The following CAMK2A variants were observed in gnomAD, a reference collection of about 807,000 sequenced individuals.
The protein encoded by CAMK2A is calcium/calmodulin-dependent protein kinase type II subunit alpha.
A neutral mutation model predicts 79.2 loss-of-function variants in CAMK2A; 7 were observed. The ratio of observed to expected loss-of-function variants is 0.09; its 90% CI spans 0.05 to 0.17. The LOEUF is 0.17. CAMK2A is among the 10% of genes least tolerant of loss of function. The pLI is 1.00. For missense variants in CAMK2A, 214 were observed against 646.4 expected (o/e 0.33, Z 7.25); for synonymous variants, 242 against 251.7 (o/e 0.96, Z 0.36).
Position 150,235,422 on chromosome 5 carries a change from G to A in CAMK2A, c.1066+3278C>T, listed in dbSNP as rs760845204. 8.5e-5 allele frequency among the ~76,000 whole-genome samples: 13 copies of A among 152,328 alleles called. No homozygotes were observed. In the South Asian group the frequency reaches 1.5e-3, roughly 17 times the overall value. ...TGCCAGCTGTTCACCCAGACAATCCGGGAATGCTCCCCTACAGATGGGAAA... is the reference window on the plus strand; with the variant it reads ...TGCCAGCTGTTCACCCAGACAATCCAGGAATGCTCCCCTACAGATGGGAAA... On this transcript the variant is annotated intron_variant, in intron 15 of 18. Coordinates refer to ENST00000671881, the MANE Select transcript of CAMK2A (RefSeq NM_015981.4).
At position 150,223,259 on chromosome 5, in the gene CAMK2A, G is replaced by C; in HGVS notation, c.1238-42C>G. The C allele has an allele frequency of 6.6e-7, 1 of 1,516,484 alleles. No homozygotes were observed. 93.9% of individuals were successfully genotyped at this position (1,516,484 alleles called of 1,614,324 possible). On this transcript the variant is annotated intron_variant, in intron 17 of 18. Coordinates refer to ENST00000671881, the MANE Select transcript of CAMK2A (RefSeq NM_015981.4). The surrounding 1 kb of genome is among the most constrained non-coding windows in gnomAD (Gnocchi z 4.1). ...GAGGGGCAGAGGAGATGCAACCGGG[G>C]GCCTCCTGTCTCACTTTCTTCACTT...
Position 150,223,654 on chromosome 5 carries a change from C to T in CAMK2A, c.1238-437G>A, listed in dbSNP as rs546651566. Among the ~76,000 whole-genome samples the T allele has an allele frequency of 3.3e-5, 5 of 152,120 alleles. No homozygotes were observed. Among genetic ancestry groups the T allele is most frequent in the Non-Finnish European group, 5.9e-5 (4 of 67,982 alleles). ...ACCCTTTGCCTCTGGGTCAGGGAGG[C>T]GATAGGGAGTGATGGGGACTGTGGC... On this transcript the variant is annotated intron_variant, in intron 17 of 18. Coordinates refer to ENST00000671881, the MANE Select transcript of CAMK2A (RefSeq NM_015981.4). This position sits in a 1 kb window ranked among gnomAD's most constrained non-coding sequence, Gnocchi z 4.1.
intron 15 of CAMK2A, among the ~76,000 whole-genome samples, chr5:150,235,563 G>A (rs1326373560): frequency 8.5e-5 from 13 of 152,262 alleles, no homozygotes. Context: ...CAAGGCAGAG[G>A]TAGCTCTTTA....
intron 1 of CAMK2A, among the ~76,000 whole-genome samples, chr5:150,283,750 G>A (rs947365637): frequency 8.5e-5 from 13 of 152,214 alleles, no homozygotes; most frequent in African/African-American, 1.7e-4. Context: ...TGTGAGCCCC[G>A]TGAGGCAGAG....
chr5:150,256,925 G>T lies in CAMK2A; in HGVS notation c.273-94C>A. The T allele has an allele frequency of 1.0e-6, 1 of 996,356 alleles. No individual in the cohort carries two copies. Among genetic ancestry groups the T allele is most frequent in the African/African-American group, 1.6e-5 (1 of 61,448 alleles). The allele number at this position is 996,356 out of a possible 1,614,324, so 61.7% of individuals were successfully genotyped here. On this transcript the variant is annotated intron_variant, in intron 4 of 18. Coordinates refer to ENST00000671881, the MANE Select transcript of CAMK2A (RefSeq NM_015981.4). This position sits in a 1 kb window ranked among gnomAD's most constrained non-coding sequence, Gnocchi z 4.6. ...CAGGAAACTAAGGATGGGGCCCAGGGACCTCAGGACCTCAGCCACAAAAGG... is the reference window on the plus strand; with the variant it reads ...CAGGAAACTAAGGATGGGGCCCAGGTACCTCAGGACCTCAGCCACAAAAGG...
intron 4 of CAMK2A, among the ~76,000 whole-genome samples, chr5:150,257,111 T>C: frequency 6.6e-6 from 1 of 151,990 alleles, no homozygotes; most frequent in Middle Eastern, 3.2e-3. Context: ...TCAGAGCACA[T>C]CACTAGGCTC....
At chr5:150,253,579 AG>A (rs1562168409) in intron 6 of CAMK2A, 33 bp from the exon 7 acceptor site, 1 of 1,553,852 alleles carries the variant, frequency 6.4e-7, no homozygotes. Context: ...GAGGAAGGGG[AG>A]GAAAGCGCCA....
chr5:150,224,698 C>T (rs1754506071), intron 17 of CAMK2A, among the ~76,000 whole-genome samples: 1 of 152,046 alleles, frequency 6.6e-6, no homozygotes, highest in Middle Eastern at 3.4e-3. Flanking sequence ...ACCCAGCAGC[C>T]GAACTATAGA....
chr5:150,267,616 A>G (rs900163520), intron 2 of CAMK2A, among the ~76,000 whole-genome samples: 4 of 152,186 alleles, frequency 2.6e-5, no homozygotes, highest in African/African-American at 9.7e-5. Context: ...GTGTAAACAT[A>G]TACATTATAC....
intron 15 of CAMK2A, among the ~76,000 whole-genome samples, chr5:150,237,689 C>T (rs536886483): frequency 1.3e-5 from 2 of 152,318 alleles, no homozygotes; most frequent in East Asian, 3.9e-4. Flanking sequence ...TCCTCTGTTT[C>T]CTCAGCTGTA....
At chr5:150,288,133 A>C (rs1038351191) in intron 1 of CAMK2A, among the ~76,000 whole-genome samples, 2 of 152,046 alleles carry the variant, frequency 1.3e-5, no homozygotes, top group African/African-American at 4.8e-5. Context: ...ACACACGTAC[A>C]TCATCCTGTG....
intron 2 of CAMK2A, among the ~76,000 whole-genome samples, chr5:150,272,602 C>A (rs1466264518): frequency 6.7e-6 from 1 of 149,778 alleles, no homozygotes; most frequent in Non-Finnish European, 1.5e-5. Flanking sequence ...GAGAGAGAGA[C>A]AGAAAATGGA....
intron 1 of CAMK2A, among the ~76,000 whole-genome samples, chr5:150,282,218 G>A (rs575723524): frequency 5.3e-5 from 8 of 152,198 alleles, no homozygotes; most frequent in African/African-American, 1.4e-4. Flanking sequence ...ACTGCCCCCC[G>A]CCCCCAAACA....
chr5:150,262,747 G>A (rs1756351907), intron 3 of CAMK2A, among the ~76,000 whole-genome samples: 1 of 152,166 alleles, frequency 6.6e-6, no homozygotes, highest in South Asian at 2.1e-4. Flanking sequence ...CCTCCCAACA[G>A]TCCTAGAAGG....
intron 1 of CAMK2A, among the ~76,000 whole-genome samples, chr5:150,273,543 A>T (rs1756835970): frequency 6.6e-6 from 1 of 152,336 alleles, no homozygotes; most frequent in Admixed American, 6.5e-5. Context: ...ATATAAGGGT[A>T]TAGGTAGTAA....
intron 13 of CAMK2A, among the ~76,000 whole-genome samples, chr5:150,243,451 A>G (rs1275105395): frequency 2.6e-5 from 4 of 152,086 alleles, no homozygotes; most frequent in African/African-American, 4.8e-5. Context: ...ACCCCTACAC[A>G]TAGAGGGATG....
chr5:150,279,251 T>C (rs1230166690), intron 1 of CAMK2A, among the ~76,000 whole-genome samples: 1 of 152,194 alleles, frequency 6.6e-6, no homozygotes, highest in Non-Finnish European at 1.5e-5. Context: ...TTTTATTTAA[T>C]CTAAATAACT....
chr5:150,242,060 G>A (rs747793279), intron 13 of CAMK2A, among the ~76,000 whole-genome samples: 1 of 152,206 alleles, frequency 6.6e-6, no homozygotes, highest in Non-Finnish European at 1.5e-5. Context: ...AGGTCACGAT[G>A]CACAATGGGA....
intron 3 of CAMK2A, among the ~76,000 whole-genome samples, chr5:150,260,716 C>T (rs568141588): frequency 4.6e-5 from 7 of 152,122 alleles, no homozygotes; most frequent in African/African-American, 1.4e-4. Context: ...TATGGTAGCA[C>T]GTATCATTAA....
Sources: gnomAD v4.1 joint callset for allele counts (sites outside exome capture counted in the v4.1 genomes callset) on GRCh38, gnomAD v4.1.1 for gene constraint, Gnocchi (gnomAD v3.1) non-coding constraint, MANE v1.5 for transcripts, NCBI Gene and HGNC (gene_info 2026-07-23, HGNC 2026-07-21) for gene names.